PLA2R1: variants seen among roughly 807,000 people sequenced by gnomAD.
PLA2R1 encodes secretory phospholipase A2 receptor.
In PLA2R1, 158 loss-of-function variants were observed where a neutral mutation model predicts 195.9. The observed-to-expected ratio is 0.81, with a 90% CI of 0.71 to 0.92. The LOEUF (loss-of-function observed/expected upper bound fraction) is 0.92, where lower values mean the gene tolerates loss of function less well. Among genes scored for constraint, PLA2R1 ranks in the 40% least tolerant of loss-of-function variants. The probability of loss-of-function intolerance (pLI) is 0.00; values close to 1 mark genes in which losing one functional copy is unlikely to be tolerated. For missense variants in PLA2R1, 1,626 were observed against 1,764.6 expected (o/e 0.92, Z 1.41); for synonymous variants, 586 against 598.2 (o/e 0.98, Z 0.30).
chr2:159,994,557 CT>C (rs1281250101), intron 11 of PLA2R1, among the ~76,000 whole-genome samples: 2 of 151,772 alleles, frequency 1.3e-5, no homozygotes, highest in Non-Finnish European at 2.9e-5. Flanking sequence ...ATTATTATGT[CT>C]TTTAAAAAGG....
chr2:159,983,995 G>C lies in PLA2R1; in HGVS notation c.2116C>G (p.Leu706Val), dbSNP rs147604071. The C allele has an allele frequency of 1.2e-6, 2 of 1,601,404 alleles. No individual in the cohort carries two copies. Among genetic ancestry groups the C allele is most frequent in the Non-Finnish European group, 1.7e-6 (2 of 1,169,038 alleles). ...EAFCEEFGAH[L>V]ASFAHIEEEN... The stretch of plus-strand genomic sequence containing the variant: ...TCCTCAATATGGGCAAAGCTTGCAA[G>C]ATGAGCTCCAAATTCTTCGCAAAAT... Residue 706 changes from leucine (L) to valine (V), a missense_variant, in exon 13 of 30, where the codon CTT becomes GTT. Transcript: ENST00000283243.
chr2:159,942,433 A>G (rs1187582906), intron 28 of PLA2R1, among the ~76,000 whole-genome samples: 1 of 152,222 alleles, frequency 6.6e-6, no homozygotes, highest in Non-Finnish European at 1.5e-5. Flanking sequence ...ATTTATTGTA[A>G]TCATCGTTAT....
At chr2:159,980,117 C>G (rs577200130) in intron 13 of PLA2R1, among the ~76,000 whole-genome samples, 2 of 152,218 alleles carry the variant, frequency 1.3e-5, no homozygotes, top group Admixed American at 1.3e-4. Context: ...ACAGCTGATG[C>G]TACTGGCAGG....
intron 11 of PLA2R1, 134 bp from the exon 12 acceptor site, chr2:159,987,492 G>A (rs1157112367): frequency 1.4e-5 from 9 of 638,818 alleles, no homozygotes; most frequent in African/African-American, 5.5e-5. Flanking sequence ...AGATGAAAAC[G>A]AATGTCTTAT....
chr2:160,001,342 G>T (rs994670497), intron 11 of PLA2R1, among the ~76,000 whole-genome samples: 1 of 151,842 alleles, frequency 6.6e-6, no homozygotes, highest in Non-Finnish European at 1.5e-5. Context: ...GGGAAAGAAT[G>T]AAATGAGAAA....
rs1322582376 is a variant in PLA2R1, at chr2:159,935,461, C to A, written c.*6317G>T. On this transcript the variant is annotated 3_prime_UTR_variant, in exon 30 of 30. Coordinates refer to ENST00000283243, the MANE Select transcript of PLA2R1 (RefSeq NM_007366.5). The stretch of plus-strand genomic sequence containing the variant: ...TCTTCTTTTCATTCATTCATTCACT[C>A]ATTCAATTGTTTACATCAGTATGGA... 6.6e-6 allele frequency: 1 copy of A among 152,188 alleles called. No homozygotes were observed. Among genetic ancestry groups the A allele is most frequent in the Non-Finnish European group, 1.5e-5 (1 of 68,026 alleles). 9.4% of individuals were successfully genotyped at this position (152,188 alleles called of 1,614,324 possible).
At chr2:160,044,250 G>A (rs1028445039) in intron 2 of PLA2R1, among the ~76,000 whole-genome samples, 4 of 151,770 alleles carry the variant, frequency 2.6e-5, no homozygotes, top group Non-Finnish European at 5.9e-5. Flanking sequence ...AATAACCCCC[G>A]ACAATAGTCT....
chr2:160,034,709 G>T (rs1446565714), intron 3 of PLA2R1, among the ~76,000 whole-genome samples: 1 of 152,122 alleles, frequency 6.6e-6, no homozygotes, highest in Non-Finnish European at 1.5e-5. Flanking sequence ...GAAGCGGGAG[G>T]ATCACTTGAA....
intron 27 of PLA2R1, chr2:159,946,008 A>G: frequency 2.0e-6 from 2 of 984,156 alleles, no homozygotes; most frequent in East Asian, 2.3e-4. Flanking sequence ...TCATTACAAA[A>G]TGGCTCACTT....
intron 11 of PLA2R1, among the ~76,000 whole-genome samples, chr2:159,998,824 T>A (rs1368778608): frequency 1.3e-5 from 2 of 152,166 alleles, no homozygotes; most frequent in Non-Finnish European, 2.9e-5. Context: ...GAAAGGCCAC[T>A]TCCTCTTGAA....
chr2:159,932,292 G>A lies in PLA2R1; in HGVS notation c.*9486C>T, dbSNP rs1686623519. The A allele has an allele frequency of 6.6e-6, 1 of 152,170 alleles. No individual in the cohort carries two copies. The highest frequency in any genetic ancestry group is 1.5e-5 in the Non-Finnish European group (1 of 68,086). The allele number at this position is 152,170 out of a possible 1,614,324, so 9.4% of individuals were successfully genotyped here. A position where few individuals can be genotyped will look rare whatever the true frequency, so the allele number is the denominator to read the frequency against. On this transcript the variant is annotated 3_prime_UTR_variant, in exon 30 of 30. Coordinates refer to ENST00000283243, the MANE Select transcript of PLA2R1 (RefSeq NM_007366.5). ...AGATGGTTTTCTTTTGCACCTTTAG[G>A]TGTCATCTGGAGTAAAAGGGAAGGA...
chr2:160,010,546 T>C (rs1402072592), intron 10 of PLA2R1, among the ~76,000 whole-genome samples: 1 of 152,128 alleles, frequency 6.6e-6, no homozygotes, highest in African/African-American at 2.4e-5. Flanking sequence ...GAGTGGAAAA[T>C]CGATTAGCAA....
intron 11 of PLA2R1, among the ~76,000 whole-genome samples, chr2:159,993,717 T>C (rs1396394441): frequency 6.6e-6 from 1 of 151,900 alleles, no homozygotes; most frequent in African/African-American, 2.4e-5. Flanking sequence ...AGATATTCCT[T>C]GAAGAGATTC....
At chr2:159,963,366 T>A (rs1411651491) in intron 20 of PLA2R1, among the ~76,000 whole-genome samples, 1 of 152,118 alleles carries the variant, frequency 6.6e-6, no homozygotes, top group Non-Finnish European at 1.5e-5. Flanking sequence ...AAAGCACAAG[T>A]GACGGAAGAA....
At chr2:159,931,712 A>AT (rs1303680628), downstream of PLA2R1, among the ~76,000 whole-genome samples, 1 of 151,968 alleles carries the variant, frequency 6.6e-6, no homozygotes, top group African/African-American at 2.4e-5. Context: ...ACTTTTTTGT[A>AT]TTTTTTTCAG....
At chr2:159,929,087 C>T (rs1374852608), downstream of PLA2R1, among the ~76,000 whole-genome samples, 1 of 152,170 alleles carries the variant, frequency 6.6e-6, no homozygotes, top group Non-Finnish European at 1.5e-5. Flanking sequence ...TAGACATTGG[C>T]TTAGGCAAAG....
chr2:159,977,256 A>G, intron 15 of PLA2R1, 28 bp downstream of exon 15: 1 of 1,557,458 alleles, frequency 6.4e-7, no homozygotes, highest in Non-Finnish European at 8.8e-7. Context: ...AATCAAACAT[A>G]TAGCAAAGAT....
At chr2:159,957,244 G>A (rs535697548) in intron 20 of PLA2R1, among the ~76,000 whole-genome samples, 3 of 152,248 alleles carry the variant, frequency 2.0e-5, no homozygotes, top group Non-Finnish European at 4.4e-5. Flanking sequence ...GGGGAAGGTT[G>A]GCCATCAATG....
chr2:160,016,693 T>C lies in PLA2R1; in HGVS notation c.1472A>G (p.Lys491Arg), dbSNP rs1216333017. Residue 491 changes from lysine to arginine, a missense_variant, in exon 9 of 30, where the codon AAA becomes AGA. By Grantham distance (26) the Lys-to-Arg change is conservative (BLOSUM62 2). Transcript: ENST00000283243. ...GTAAAAAAGTCTTTCTTCACAATTT[T>C]TGACTTTCCAGTGTCCCTCCTACGG... ...AEQSEGHWKV[K>R]NCEERLFYIC... 6.3e-7 allele frequency: 1 copy of C among 1,598,420 alleles called. No homozygotes were observed. Among genetic ancestry groups the C allele is most frequent in the Admixed American group, 1.7e-5 (1 of 60,008 alleles).
Sources: allele counts gnomAD v4.1 joint callset (sites outside exome capture counted in the v4.1 genomes callset), GRCh38; gene constraint gnomAD v4.1.1; transcripts MANE v1.5; gene names NCBI Gene and HGNC (gene_info 2026-07-23, HGNC 2026-07-21).